TSHR: variants seen among roughly 807,000 people sequenced by gnomAD.
The protein encoded by TSHR is thyrotropin receptor.
Under a neutral mutation model 64.1 loss-of-function variants are expected in TSHR, and 51 were observed. The observed-to-expected ratio is 0.80, with a 90% confidence interval of 0.64 to 1.01. The LOEUF (loss-of-function observed/expected upper bound fraction) is 1.01. Ranked by LOEUF, TSHR falls within the 50% of genes least tolerant of loss-of-function variation. The pLI is 0.00. For missense variants in TSHR, 877 were observed against 942.8 expected (o/e 0.93, Z 0.91); for synonymous variants, 361 against 361.9 (o/e 1.00, Z 0.03).
At chr14:81,052,247 T>A (rs1885475965) in intron 1 of TSHR, 1 of 152,204 alleles carries the variant, frequency 6.6e-6, no homozygotes, top group Non-Finnish European at 1.5e-5. Flanking sequence ...AAGTTCCAAT[T>A]TTATTTTTCT....
intron 7 of TSHR, among the ~76,000 whole-genome samples, chr14:81,098,244 T>C (rs967469642): frequency 6.6e-6 from 1 of 152,210 alleles, no homozygotes; most frequent in Non-Finnish European, 1.5e-5. Context: ...ATCCAAAATA[T>C]GCATCTCAGA....
chr14:81,115,941 G>A (rs949505502), intron 8 of TSHR, among the ~76,000 whole-genome samples: 4 of 152,010 alleles, frequency 2.6e-5, no homozygotes, highest in African/African-American at 4.8e-5. Context: ...AGCTTCATAA[G>A]TGAAGGAGAA....
chr14:81,088,278 T>C (rs76986041), intron 4 of TSHR, among the ~76,000 whole-genome samples: 3,646 of 152,320 alleles, frequency 0.024, 123 homozygotes, highest in African/African-American at 0.071. Context: ...CATGTATATG[T>C]GGTCCTTAAA....
intron 1 of TSHR, chr14:80,992,478 A>G (rs1034650836): frequency 6.6e-6 from 1 of 151,648 alleles, no homozygotes; most frequent in Non-Finnish European, 1.5e-5. Flanking sequence ...CACTTTACAC[A>G]TACTACTGTT....
chr14:81,104,604 G>T (rs947453604), intron 7 of TSHR: 1 of 985,260 alleles, frequency 1.0e-6, no homozygotes, highest in Admixed American at 6.2e-5. Context: ...CTGAATGGCC[G>T]CTATGTGCCA....
At chr14:81,031,890 C>G (rs188504204) in intron 1 of TSHR, among the ~76,000 whole-genome samples, 64 of 152,340 alleles carry the variant, frequency 4.2e-4, no homozygotes, top group Non-Finnish European at 1.2e-4. Flanking sequence ...GACACACCTT[C>G]AGGTGAAAGT....
At chr14:81,090,398 A>C (rs200022651) in intron 4 of TSHR, among the ~76,000 whole-genome samples, 1 of 152,168 alleles carries the variant, frequency 6.6e-6, no homozygotes, top group East Asian at 1.9e-4. Flanking sequence ...GCGCATGCCA[A>C]CACATGCAGC....
chr14:80,988,389 A>G lies in TSHR; in HGVS notation c.170+32539A>G, dbSNP rs539395984. Among the ~76,000 whole-genome samples the G allele has an allele frequency of 2.3e-3, 353 of 152,234 alleles. 3 individuals carry two copies. The highest frequency in any genetic ancestry group is 8.1e-3 in the African/African-American group (335 of 41,550). On this transcript the variant is annotated intron_variant, in intron 1 of 9. Coordinates refer to ENST00000298171, the MANE Select transcript of TSHR (RefSeq NM_000369.5). ...TAGGTGTGGAGGAAGGGGGTGGGGA[A>G]GTGCCACACACTTTTAAATGACCAG...
intron 1 of TSHR, among the ~76,000 whole-genome samples, chr14:80,973,953 C>T (rs1429761965): frequency 6.6e-6 from 1 of 151,956 alleles, no homozygotes; most frequent in Non-Finnish European, 1.5e-5. Context: ...TCTTATCTCC[C>T]ACCATCGCCC....
chr14:81,068,816 G>A (rs1346618061), intron 3 of TSHR, among the ~76,000 whole-genome samples: 1 of 152,090 alleles, frequency 6.6e-6, no homozygotes. Flanking sequence ...ATCTACCCTT[G>A]GACAAGTCAC....
At chr14:81,106,412 T>C (rs2140024417) in intron 7 of TSHR, among the ~76,000 whole-genome samples, 1 of 152,360 alleles carries the variant, frequency 6.6e-6, no homozygotes, top group African/African-American at 2.4e-5. Context: ...TGAAAAAGTA[T>C]GTTGATTTAT....
chr14:80,965,665 T>C (rs1489626972), intron 1 of TSHR, among the ~76,000 whole-genome samples: 1 of 152,250 alleles, frequency 6.6e-6, no homozygotes, highest in Admixed American at 6.5e-5. Flanking sequence ...ATGAGCAAAA[T>C]GGTCCCATTT....
chr14:81,122,489 C>T (rs758040704), intron 8 of TSHR, among the ~76,000 whole-genome samples: 14 of 151,554 alleles, frequency 9.2e-5, no homozygotes, highest in South Asian at 4.2e-4. Flanking sequence ...GAAATGAAAG[C>T]GCAATATGCA....
intron 1 of TSHR, among the ~76,000 whole-genome samples, chr14:81,021,117 C>T (rs1160469823): frequency 6.6e-6 from 1 of 151,990 alleles, no homozygotes; most frequent in Non-Finnish European, 1.5e-5. Context: ...AAATAACATG[C>T]ACAATACATG....
intron 8 of TSHR, among the ~76,000 whole-genome samples, chr14:81,114,658 C>G (rs1014335072): frequency 2.6e-5 from 4 of 152,178 alleles, no homozygotes; most frequent in Non-Finnish European, 5.9e-5. Context: ...CAGGGAAGCT[C>G]GAACTGGGTG....
intron 1 of TSHR, chr14:81,032,963 CA>C: frequency 1.7e-5 from 6 of 351,716 alleles, no homozygotes; most frequent in Non-Finnish European, 1.7e-5. Context: ...TCCCTAGAGC[CA>C]AAAACAAAAG....
intron 4 of TSHR, among the ~76,000 whole-genome samples, chr14:81,089,009 T>TA (rs1888511218): frequency 6.9e-6 from 1 of 144,530 alleles, no homozygotes; most frequent in African/African-American, 2.6e-5. Context: ...TTTTTTGAGA[T>TA]AGAGTCTTGC....
intron 9 of TSHR, 37 bp from the exon 10 acceptor site, chr14:81,142,902 GC>G (rs1397412613): frequency 1.3e-6 from 2 of 1,592,804 alleles, no homozygotes; most frequent in African/African-American, 2.7e-5. Context: ...GAGCCACTGC[GC>G]CCAGCCTGGC....
At chr14:81,059,054 C>T (rs145773841) in intron 1 of TSHR, among the ~76,000 whole-genome samples, 443 of 152,156 alleles carry the variant, frequency 2.9e-3, no homozygotes, top group African/African-American at 9.9e-3. Context: ...ATGTGCATGC[C>T]GGAGCACATG....
Sources: allele counts gnomAD v4.1 joint callset (sites outside exome capture counted in the v4.1 genomes callset), GRCh38; gene constraint gnomAD v4.1.1; transcripts MANE v1.5; gene names NCBI Gene and HGNC (gene_info 2026-07-23, HGNC 2026-07-21).